Variants in SLC26A5 observed in about 807,000 individuals in gnomAD.
The protein encoded by SLC26A5 is solute carrier family 26 member 5.
Under a neutral mutation model 81.0 loss-of-function variants are expected in SLC26A5, and 51 were observed. The observed-to-expected ratio is 0.63, with a 90% CI of 0.50 to 0.80. The LOEUF is 0.80. Ranked by LOEUF, SLC26A5 falls within the 30% of genes least tolerant of loss-of-function variation. The probability of loss-of-function intolerance (pLI) is 0.00; values close to 1 mark genes in which losing one functional copy is unlikely to be tolerated. For missense variants in SLC26A5, 771 were observed against 905.8 expected, an observed-to-expected ratio of 0.85 and a Z score of 1.91; for synonymous variants, 325 against 332.8, an observed-to-expected ratio of 0.98 and a Z score of 0.25.
chr7:103,357,804 A>G (rs573103955), intron 19 of SLC26A5, among the ~76,000 whole-genome samples: 11 of 152,020 alleles, frequency 7.2e-5, no homozygotes, highest in African/African-American at 2.7e-4. Flanking sequence ...TGCATATATT[A>G]TGAACTCAAC....
intron 19 of SLC26A5, among the ~76,000 whole-genome samples, chr7:103,353,486 T>G (rs1467975724): frequency 1.3e-5 from 2 of 152,178 alleles, no homozygotes; most frequent in South Asian, 2.1e-4. Context: ...TTTGTATTTT[T>G]GGTAGAGACG....
intron 6 of SLC26A5, 94 bp downstream of exon 6, chr7:103,411,326 C>T: frequency 6.8e-7 from 1 of 1,472,836 alleles, no homozygotes; most frequent in Admixed American, 1.8e-5. Context: ...TGGCTGACCC[C>T]ATCCACCGTG....
chr7:103,367,697 A>T lies in SLC26A5; in HGVS notation c.2041+9111T>A. 6.2e-7 allele frequency: 1 copy of T among 1,608,590 alleles called. No individual in the cohort carries two copies. Among genetic ancestry groups the T allele is most frequent in the Non-Finnish European group, 8.5e-7 (1 of 1,178,152 alleles). ...TTTTTTTCCATTTTAATATTTGTCA[A>T]TTTTCTCATTTTTAGGGTCGGACCC... On this transcript the variant is annotated intron_variant, in intron 19 of 19. Transcript: ENST00000339444. The surrounding 1 kb of genome is among the most constrained non-coding windows in gnomAD (Gnocchi z 6.1).
At chr7:103,426,080 T>C (rs1356351394) in intron 2 of SLC26A5, among the ~76,000 whole-genome samples, 1 of 152,234 alleles carries the variant, frequency 6.6e-6, no homozygotes, top group African/African-American at 2.4e-5. Context: ...TCTTTACTTA[T>C]GTGTGTCTGC....
At chr7:103,354,414 GCT>G (rs1214891091) in intron 19 of SLC26A5, among the ~76,000 whole-genome samples, 1 of 149,244 alleles carries the variant, frequency 6.7e-6, no homozygotes, top group African/African-American at 2.5e-5. Flanking sequence ...TGTCACCCAG[GCT>G]GGAGTGCAAT....
chr7:103,418,192 T>C (rs1825073296), intron 4 of SLC26A5, among the ~76,000 whole-genome samples: 1 of 152,192 alleles, frequency 6.6e-6, no homozygotes, highest in South Asian at 2.1e-4. Context: ...CCCTCCTCCT[T>C]CTTTCTAAAT....
rs28446682 is a variant in SLC26A5, at chr7:103,408,276, C to G, written c.736-273G>C. Among the ~76,000 whole-genome samples the G allele has an allele frequency of 0.15, 22,657 of 152,030 alleles. 5,711 individuals carry two copies. Among genetic ancestry groups the G allele is most frequent in the African/African-American group, 0.52 (21,464 of 41,416 alleles). ...CAGTCTTGCTCTGTTGCCCAGGCTG[C>G]AGTGCAGTGGCATGATCTTGGCTCA... is the stretch of plus-strand genomic sequence containing the variant. On this transcript the variant is annotated intron_variant, in intron 7 of 19. Coordinates refer to ENST00000306312, the MANE Select transcript of SLC26A5 (RefSeq NM_198999.3).
At chr7:103,376,290 G>T (rs1228832376) in intron 19 of SLC26A5, among the ~76,000 whole-genome samples, 1 of 151,884 alleles carries the variant, frequency 6.6e-6, no homozygotes, top group East Asian at 1.9e-4. Context: ...TGCCCAGGCT[G>T]GTCTTGAACT....
intron 2 of SLC26A5, among the ~76,000 whole-genome samples, chr7:103,422,982 C>A (rs1825462878): frequency 7.1e-6 from 1 of 141,436 alleles, no homozygotes; most frequent in African/African-American, 3.0e-5. Flanking sequence ...GAAATCAAGG[C>A]CAGGCATGGA....
Position 103,354,952 on chromosome 7 carries a change from A to G in SLC26A5, c.2042-2026T>C, listed in dbSNP as rs779013415. On this transcript the variant is annotated intron_variant, in intron 19 of 19. Coordinates refer to the SLC26A5 transcript ENST00000339444. ...CAAGAAAATTAATGAGCTCACTGGT[A>G]TGTATTTTTAAATTCCCATTTCCTT... 2.5e-5 allele frequency: 39 copies of G among 1,581,206 alleles called. 1 individual carries two copies. In the South Asian group the frequency reaches 4.1e-4, roughly 17 times the overall value.
chr7:103,354,983 A>T, intron 19 of SLC26A5: 1 of 1,341,060 alleles, frequency 7.5e-7, no homozygotes, highest in Non-Finnish European at 1.1e-6. Flanking sequence ...TCCTTCCTTT[A>T]AATGTAATGT....
intron 11 of SLC26A5, among the ~76,000 whole-genome samples, chr7:103,390,727 T>C (rs1822573339): frequency 6.6e-6 from 1 of 152,140 alleles, no homozygotes; most frequent in Non-Finnish European, 1.5e-5. Context: ...AATGTTGTAA[T>C]ATCCTAATTA....
intron 6 of SLC26A5, 145 bp from the exon 7 acceptor site, chr7:103,410,694 A>C (rs1242719896): frequency 1.3e-6 from 1 of 757,596 alleles, no homozygotes; most frequent in South Asian, 1.6e-5. Flanking sequence ...GCAGTGGCAC[A>C]GTCTCAGCTC....
At chr7:103,390,110 C>G (rs756909166) in intron 12 of SLC26A5, among the ~76,000 whole-genome samples, 25 of 151,932 alleles carry the variant, frequency 1.6e-4, no homozygotes, top group Non-Finnish European at 2.9e-4. Flanking sequence ...GAATGTAGAC[C>G]ATCTCAGGTT....
At chr7:103,413,173 G>A in intron 4 of SLC26A5, 61 bp from the exon 5 acceptor site, 1 of 1,146,582 alleles carries the variant, frequency 8.7e-7, no homozygotes, top group South Asian at 1.3e-5. Context: ...TGTTACATGT[G>A]TTTTTCTCTT....
intron 3 of SLC26A5, 110 bp downstream of exon 3, chr7:103,421,253 G>A: frequency 8.3e-7 from 1 of 1,208,956 alleles, no homozygotes; most frequent in Non-Finnish European, 1.2e-6. Flanking sequence ...TGATGGCTCA[G>A]CATTCATTTT....
rs1825286800 is a variant in SLC26A5 at position 103,420,772 on chromosome 7, T to C, written c.258A>G (p.Ser86=). 2 of 1,614,190 alleles carry C rather than the reference T, an allele frequency of 1.2e-6. No homozygotes were observed. The highest frequency in any genetic ancestry group is 1.7e-6 in the Non-Finnish European group (2 of 1,180,012). ...FKEYVLGDLV[S]GISTGVLQLP... Reference sequence around the variant, plus strand: ...GCTGAAGCACCCCTGTGCTTATGCCTGAGACCAAGTCACCCAACACATATT... The same window carrying C: ...GCTGAAGCACCCCTGTGCTTATGCCCGAGACCAAGTCACCCAACACATATT... The change falls in exon 4 of 20, where the codon TCA becomes TCG. Residue 86 remains serine, a synonymous_variant. Transcript: ENST00000306312.
At position 103,362,773 on chromosome 7, in the gene SLC26A5, G is replaced by C. The variant is rs922147623; in HGVS notation, c.2042-9847C>G. 2.0e-6 allele frequency: 3 copies of C among 1,530,206 alleles called. No individual in the cohort carries two copies. In the East Asian group the frequency reaches 6.8e-5, roughly 34 times the overall value. The allele number at this position is 1,530,206 out of a possible 1,614,324, so 94.8% of individuals were successfully genotyped here. A position where few individuals can be genotyped will look rare whatever the true frequency, so the allele number is the denominator to read the frequency against. On this transcript the variant is annotated intron_variant, in intron 19 of 19. Transcript: ENST00000339444. ...CCATGATGCAGGTAAGAAACTATGG[G>C]AGGGAAAAGGAAGGCTATGTCTTTT...
At chr7:103,442,894 T>A (rs571075426) in intron 2 of SLC26A5, among the ~76,000 whole-genome samples, 189 bp downstream of exon 2, 2 of 152,354 alleles carry the variant, frequency 1.3e-5, no homozygotes, top group South Asian at 4.1e-4. Flanking sequence ...CTTAGGCTGA[T>A]CCTGATCCAA....
Sources: allele counts gnomAD v4.1 joint callset (sites outside exome capture counted in the v4.1 genomes callset), GRCh38; gene constraint gnomAD v4.1.1; non-coding constraint Gnocchi (gnomAD v3.1); transcripts MANE v1.5; gene names NCBI Gene and HGNC (gene_info 2026-07-23, HGNC 2026-07-21).